The following ITSN2 variants were observed in gnomAD, a reference collection of about 807,000 sequenced individuals.
The protein encoded by ITSN2 is intersectin 2, also known as intersectin-2.
A neutral mutation model predicts 243.7 loss-of-function variants in ITSN2; 156 were observed. That is an observed-to-expected ratio of 0.64 (90% CI 0.56 to 0.73). The LOEUF (loss-of-function observed/expected upper bound fraction) is 0.73. Among genes scored for constraint, ITSN2 ranks in the 30% least tolerant of loss-of-function variants. The pLI is 0.00. For synonymous variants in ITSN2, 703 were observed against 699.9 expected (o/e 1.00, Z -0.07); for missense variants, 1,801 against 1,996.1 (o/e 0.90, Z 1.86).
At chr2:24,345,786 CTTGT>C (rs1478203054) in intron 1 of ITSN2, among the ~76,000 whole-genome samples, 13 of 152,038 alleles carry the variant, frequency 8.6e-5, no homozygotes, top group Non-Finnish European at 1.9e-4. Flanking sequence ...TTTAATCTAG[CTTGT>C]TTGTCTTTTA....
chr2:24,229,409 C>T (rs531997473), intron 29 of ITSN2, among the ~76,000 whole-genome samples: 2 of 152,072 alleles, frequency 1.3e-5, no homozygotes, highest in African/African-American at 4.8e-5. Context: ...GCTAACATGG[C>T]GAAACCCCAT....
In ITSN2 at chr2:24,261,648, G is replaced by A. The variant is rs765177896; in HGVS notation, c.2450C>T (p.Pro817Leu). The change falls in exon 21 of 40, where the codon CCA (proline) becomes CTA (leucine). Residue 817 changes from proline to leucine, a missense_variant. By Grantham distance (98) the Pro-to-Leu change is moderately conservative (BLOSUM62 -3). This residue lies in a region of ITSN2 where 928 missense variants were observed against 1,065.4 expected (regional missense o/e 0.87). Coordinates refer to ENST00000355123, the MANE Select transcript of ITSN2 (RefSeq NM_006277.3). ...TACAGCTTTTTCATTTTCACTTGAT[G>A]GCATTTTTTCTACATAATTGCATGG... ...WFPCNYVEKM[P>L]SSENEKAVSP... The A allele has an allele frequency of 5.0e-6, 8 of 1,612,892 alleles. No individual in the cohort carries two copies. The Admixed American group carries it at 1.2e-4, about 24-fold the overall frequency.
chr2:24,300,704 G>GAA (rs569520202), intron 11 of ITSN2, among the ~76,000 whole-genome samples: 4 of 136,702 alleles, frequency 2.9e-5, no homozygotes, highest in Non-Finnish European at 1.6e-5. Context: ...GGGCAACAAG[G>GAA]AAAAAAAAAA....
intron 1 of ITSN2, among the ~76,000 whole-genome samples, chr2:24,342,160 A>G (rs2551130): frequency 0.98 from 148,777 of 152,132 alleles, 72,745 homozygotes; most frequent in East Asian, 0.99. Context: ...AGAAAGAGCG[A>G]TTGAGAAGGT....
At position 24,280,534 on chromosome 2, in the gene ITSN2, C is replaced by T. The variant is rs189008870; in HGVS notation, c.1944+4229G>A. ...TCTCTGAACGAAAATTCTCTTCCCT[C>T]GTCACTTTCTTGGCTGATCCCTCCG... On this transcript the variant is annotated intron_variant, in intron 17 of 39. Coordinates refer to ENST00000355123, the MANE Select transcript of ITSN2 (RefSeq NM_006277.3). 1.9e-3 allele frequency among the ~76,000 whole-genome samples: 290 copies of T among 152,298 alleles called. 2 individuals carry two copies. Among genetic ancestry groups the T allele is most frequent in the African/African-American group, 6.9e-3 (288 of 41,564 alleles).
chr2:24,348,608 A>G (rs1687763946), intron 1 of ITSN2, among the ~76,000 whole-genome samples: 1 of 152,132 alleles, frequency 6.6e-6, no homozygotes, highest in Non-Finnish European at 1.5e-5. Context: ...ATCCAGTGCT[A>G]AAAACTACAG....
At chr2:24,263,439 T>G (rs554385229) in intron 20 of ITSN2, among the ~76,000 whole-genome samples, 2 of 152,262 alleles carry the variant, frequency 1.3e-5, no homozygotes, top group South Asian at 4.1e-4. Context: ...TAATATAAAT[T>G]TCATGTTTAA....
At chr2:24,207,944 T>G (rs896515301) in intron 37 of ITSN2, among the ~76,000 whole-genome samples, 1 of 149,798 alleles carries the variant, frequency 6.7e-6, no homozygotes, top group Non-Finnish European at 1.5e-5. Context: ...CAAGCAGAGG[T>G]GAGGTGAGTC....
intron 17 of ITSN2, among the ~76,000 whole-genome samples, chr2:24,279,726 C>CTTTTTTTTTTTTTTTTT (rs955431908): frequency 1.3e-5 from 1 of 78,300 alleles, no homozygotes; most frequent in African/African-American, 5.3e-5. Flanking sequence ...TGTGAATTTT[C>CTTTTTTTTTTTTTTTTT]TTTTTTTTTT....
chr2:24,236,456 C>T (rs1046598963), intron 29 of ITSN2, among the ~76,000 whole-genome samples: 1 of 152,144 alleles, frequency 6.6e-6, no homozygotes, highest in African/African-American at 2.4e-5. Flanking sequence ...TGTTAATACA[C>T]TAAAAACCAC....
At chr2:24,361,049 C>T (rs967409434), upstream of ITSN2, among the ~76,000 whole-genome samples, 2 of 152,168 alleles carry the variant, frequency 1.3e-5, no homozygotes, top group African/African-American at 4.8e-5. Flanking sequence ...CCTCTTGAAC[C>T]CTTCTCAGGG....
At chr2:24,291,171 C>T (rs1680194416) in intron 15 of ITSN2, among the ~76,000 whole-genome samples, 2 of 151,904 alleles carry the variant, frequency 1.3e-5, no homozygotes, top group Admixed American at 6.6e-5. Flanking sequence ...ACTCTATTAC[C>T]CAGGCTGGAG....
intron 9 of ITSN2, among the ~76,000 whole-genome samples, chr2:24,302,351 A>G (rs1681884073): frequency 6.6e-6 from 1 of 151,944 alleles, no homozygotes. Flanking sequence ...GGCGCCCGCC[A>G]CCACGCCTGG....
At chr2:24,343,372 T>C (rs1191973059) in intron 1 of ITSN2, among the ~76,000 whole-genome samples, 1 of 152,210 alleles carries the variant, frequency 6.6e-6, no homozygotes, top group African/African-American at 2.4e-5. Context: ...CATACTTCAT[T>C]GTTCTGCTTT....
chr2:24,290,271 T>C (rs1680080516), intron 15 of ITSN2, among the ~76,000 whole-genome samples: 1 of 152,230 alleles, frequency 6.6e-6, no homozygotes, highest in Non-Finnish European at 1.5e-5. Flanking sequence ...GAAACCTGAT[T>C]GTTATTTTAA....
chr2:24,206,759 A>C (rs1372481911), intron 37 of ITSN2, among the ~76,000 whole-genome samples: 1 of 152,086 alleles, frequency 6.6e-6, no homozygotes, highest in African/African-American at 2.4e-5. Flanking sequence ...TGAGAAAAGC[A>C]GGGACTGAGA....
chr2:24,212,819 CT>C, intron 32 of ITSN2, 71 bp from the exon 33 acceptor site: 2 of 1,191,716 alleles, frequency 1.7e-6, no homozygotes, highest in Non-Finnish European at 2.5e-6. Context: ...CTTTGATCGC[CT>C]TTTAGATTTC....
chr2:24,337,315 AATATATATATAT>A lies in ITSN2; in HGVS notation c.-33-9212_-33-9201del, dbSNP rs201712131. 6.0e-3 allele frequency among the ~76,000 whole-genome samples: 193 copies of A among 32,018 alleles called. 18 individuals carry two copies. Among genetic ancestry groups the A allele is most frequent in the Admixed American group, 9.7e-3 (18 of 1,848 alleles). The allele number at this position is 32,018 out of a possible 152,430, so 21.0% of individuals were successfully genotyped here. On this transcript the variant is annotated intron_variant, in intron 1 of 39. Transcript: ENST00000355123. Reference sequence around the variant, plus strand: ...TGTGTGTGTGTGTGTGTATACACAAAATATATATATATATATATATATATATATATATATATA... The same window carrying A: ...TGTGTGTGTGTGTGTGTATACACAAAATATATATATATATATATATATATA...
chr2:24,233,146 A>G (rs1671792515), intron 29 of ITSN2, among the ~76,000 whole-genome samples: 1 of 152,168 alleles, frequency 6.6e-6, no homozygotes, highest in African/African-American at 2.4e-5. Context: ...CTTGGGCAAT[A>G]CGGGTTTCAT....
Sources: allele counts gnomAD v4.1 joint callset (sites outside exome capture counted in the v4.1 genomes callset), GRCh38; gene constraint gnomAD v4.1.1; regional missense constraint gnomAD v4.1.1; transcripts MANE v1.5; gene names NCBI Gene and HGNC (gene_info 2026-07-23, HGNC 2026-07-21).